CSMD1: variants seen among roughly 807,000 people sequenced by gnomAD.
The protein encoded by CSMD1 is CUB and sushi domain-containing protein 1.
A neutral mutation model predicts 417.5 loss-of-function variants in CSMD1; 213 were observed. The observed-to-expected ratio is 0.51, with a 90% confidence interval of 0.46 to 0.57. The LOEUF (loss-of-function observed/expected upper bound fraction) is 0.57. Ranked by LOEUF, CSMD1 falls within the 20% of genes least tolerant of loss-of-function variation. The pLI, the probability that CSMD1 is intolerant of heterozygous loss-of-function variation, is 0.00. For synonymous variants in CSMD1, 2,862 were observed against 1,736.8 expected, an observed-to-expected ratio of 1.65 and a Z score of -16.11; for missense variants, 6,923 against 4,529.7, an observed-to-expected ratio of 1.53 and a Z score of -15.17.
chr8:3,478,792 G>A (rs75748011), intron 11 of CSMD1, among the ~76,000 whole-genome samples: 1 of 152,120 alleles, frequency 6.6e-6, no homozygotes, highest in Admixed American at 6.5e-5. Flanking sequence ...TGGTCCCAGG[G>A]CTGCCTTGTC....
At chr8:4,292,618 T>G (rs1406116844) in intron 3 of CSMD1, among the ~76,000 whole-genome samples, 1 of 152,178 alleles carries the variant, frequency 6.6e-6, no homozygotes, top group Non-Finnish European at 1.5e-5. Flanking sequence ...TGTAAACATG[T>G]TGATATTTTC....
intron 3 of CSMD1, among the ~76,000 whole-genome samples, chr8:4,090,515 C>T (rs1300827791): frequency 6.6e-6 from 1 of 152,106 alleles, no homozygotes; most frequent in Non-Finnish European, 1.5e-5. Flanking sequence ...TCATGGAAAG[C>T]TTTGTACACC....
At chr8:4,451,465 C>T (rs1229001385) in intron 2 of CSMD1, among the ~76,000 whole-genome samples, 1 of 152,300 alleles carries the variant, frequency 6.6e-6, no homozygotes. Flanking sequence ...CATCAAGTCC[C>T]ACTCTCCTAA....
rs185777392 is a variant in CSMD1 at position 4,092,887 on chromosome 8, G to C, written c.416-60788C>G. ...AGTAGAATTTAAATAATTACTTCTGGACTTGCCAAAACACAAGTTTTTTTT... is the reference window on the plus strand; with the variant it reads ...AGTAGAATTTAAATAATTACTTCTGCACTTGCCAAAACACAAGTTTTTTTT... On this transcript the variant is annotated intron_variant, in intron 3 of 69. Coordinates refer to ENST00000635120, the MANE Select transcript of CSMD1 (RefSeq NM_033225.6). Among the ~76,000 whole-genome samples the C allele has an allele frequency of 2.6e-5, 4 of 152,056 alleles. No individual in the cohort carries two copies. In the East Asian group the frequency reaches 7.7e-4, roughly 29 times the overall value.
intron 68 of CSMD1, among the ~76,000 whole-genome samples, chr8:2,943,262 C>T (rs1802013838): frequency 6.6e-6 from 1 of 151,466 alleles, no homozygotes; most frequent in African/African-American, 2.4e-5. Context: ...GAGTCTCACC[C>T]TGTTGCCCAG....
rs1255432215 is a variant in CSMD1, at chr8:3,652,325, T to TTA, written c.1010-35529_1010-35528insTA. On this transcript the variant is annotated intron_variant, in intron 7 of 69. Coordinates refer to ENST00000635120, the MANE Select transcript of CSMD1 (RefSeq NM_033225.6). ...GCATGCTTAACCACCATCGGAGTGC[T>TTA]CACCACCATCAGCGTGCTTACCACC... Among the ~76,000 whole-genome samples the TTA allele has an allele frequency of 1.3e-4, 19 of 149,582 alleles. No homozygotes were observed. In the East Asian group the frequency reaches 3.0e-3, roughly 24 times the overall value.
At chr8:4,758,319 G>A (rs1409088060) in intron 1 of CSMD1, among the ~76,000 whole-genome samples, 1 of 152,110 alleles carries the variant, frequency 6.6e-6, no homozygotes, top group Non-Finnish European at 1.5e-5. Context: ...TAATTCGCTG[G>A]TTCTGATTCT....
chr8:3,330,384 G>C (rs568637350), intron 23 of CSMD1, among the ~76,000 whole-genome samples: 3 of 152,148 alleles, frequency 2.0e-5, no homozygotes, highest in African/African-American at 4.8e-5. Flanking sequence ...AGAAAGTATG[G>C]TACATATACA....
intron 10 of CSMD1, among the ~76,000 whole-genome samples, chr8:3,503,237 T>C (rs1796681747): frequency 1.3e-5 from 2 of 152,236 alleles, no homozygotes; most frequent in African/African-American, 2.4e-5. Flanking sequence ...TCATTAATTC[T>C]GGGATATCCT....
chr8:4,343,886 C>T (rs191756406), intron 3 of CSMD1, among the ~76,000 whole-genome samples: 1 of 152,104 alleles, frequency 6.6e-6, no homozygotes, highest in Non-Finnish European at 1.5e-5. Context: ...AACTCAATAA[C>T]TAATTTTTAA....
chr8:3,752,310 G>A (rs146691626), intron 6 of CSMD1, among the ~76,000 whole-genome samples: 30 of 152,186 alleles, frequency 2.0e-4, no homozygotes, highest in Middle Eastern at 6.8e-3. Flanking sequence ...AGAACCTTCC[G>A]GCAACATCAG....
chr8:3,920,952 T>C (rs1008618356), intron 5 of CSMD1, among the ~76,000 whole-genome samples: 17 of 152,278 alleles, frequency 1.1e-4, no homozygotes, highest in East Asian at 1.9e-4. Flanking sequence ...TAATGTAATC[T>C]AGATATGACA....
In CSMD1 at chr8:4,865,929, G is replaced by C. The variant is rs150399710; in HGVS notation, c.85+128403C>G. Among the ~76,000 whole-genome samples, 1,409 of 151,944 alleles carry C rather than the reference G, an allele frequency of 9.3e-3. 28 individuals are homozygous for C. The highest frequency in any genetic ancestry group is 0.026 in the African/African-American group (1,072 of 41,436). On this transcript the variant is annotated intron_variant, in intron 1 of 69. Coordinates refer to ENST00000635120, the MANE Select transcript of CSMD1 (RefSeq NM_033225.6). ...ATCACTGAGGAGCTTTCATCTTCCTGTGTAGATAACTTGAAAATTTTTTAA... is the reference window on the plus strand; with the variant it reads ...ATCACTGAGGAGCTTTCATCTTCCTCTGTAGATAACTTGAAAATTTTTTAA...
intron 2 of CSMD1, among the ~76,000 whole-genome samples, chr8:4,449,834 A>G (rs955923138): frequency 3.9e-5 from 6 of 152,136 alleles, no homozygotes; most frequent in African/African-American, 1.4e-4. Flanking sequence ...TACGTTCCCT[A>G]TCTCAGTAAA....
At chr8:4,659,597 A>T (rs1288245568) in intron 1 of CSMD1, among the ~76,000 whole-genome samples, 1 of 152,120 alleles carries the variant, frequency 6.6e-6, no homozygotes, top group Non-Finnish European at 1.5e-5. Flanking sequence ...ATATCCATAG[A>T]CACAGAAAAC....
chr8:4,936,380 G>A lies in CSMD1; in HGVS notation c.85+57952C>T, dbSNP rs533630096. Among the ~76,000 whole-genome samples the A allele has an allele frequency of 3.3e-5, 5 of 152,256 alleles. No homozygotes were observed. The South Asian group carries it at 6.2e-4, about 19-fold the overall frequency. ...CTGGTTAAGGTTTTTAGAGTGGGCA[G>A]CAGTATAATTTTTAAAATTGAAGAT... On this transcript the variant is annotated intron_variant, in intron 1 of 69. Transcript: ENST00000635120.
chr8:3,073,789 A>G (rs1813464489), intron 49 of CSMD1, among the ~76,000 whole-genome samples: 1 of 128,188 alleles, frequency 7.8e-6, no homozygotes, highest in Non-Finnish European at 1.7e-5. Context: ...TGGTCAAAAA[A>G]TTACCAAAAA....
chr8:3,508,654 G>T (rs781749202), intron 10 of CSMD1, among the ~76,000 whole-genome samples: 1 of 152,136 alleles, frequency 6.6e-6, no homozygotes, highest in East Asian at 1.9e-4. Flanking sequence ...CCTTCAGTCG[G>T]TTTTATTGTA....
intron 20 of CSMD1, among the ~76,000 whole-genome samples, chr8:3,361,651 C>CAAAAAAAAAAAAAAAAAA (rs765648287): frequency 1.3e-5 from 1 of 79,212 alleles, no homozygotes; most frequent in African/African-American, 5.3e-5. Context: ...GATTCCATCT[C>CAAAAAAAAAAAAAAAAAA]AAAAAAAAAA....
Sources: gnomAD v4.1 joint callset for allele counts (sites outside exome capture counted in the v4.1 genomes callset) on GRCh38, gnomAD v4.1.1 for gene constraint, MANE v1.5 for transcripts, NCBI Gene and HGNC (gene_info 2026-07-23, HGNC 2026-07-21) for gene names.